The following CENPO variants were observed in gnomAD, a reference collection of about 807,000 sequenced individuals.
CENPO encodes centromere protein O.
Under a neutral mutation model 36.1 loss-of-function variants are expected in CENPO, and 30 were observed. That is an observed-to-expected ratio of 0.83 (90% confidence interval 0.62 to 1.13). The LOEUF is 1.13. Ranked by LOEUF, CENPO falls within the 50% of genes most tolerant of loss-of-function variation. The pLI, the probability that CENPO is intolerant of heterozygous loss-of-function variation, is 0.00. For synonymous variants in CENPO, 171 were observed against 142.3 expected (o/e 1.20, Z -1.44); for missense variants, 349 against 357.8 (o/e 0.98, Z 0.20).
chr2:24,812,474 A>G (rs952448204), intron 3 of CENPO, among the ~76,000 whole-genome samples: 2 of 151,992 alleles, frequency 1.3e-5, no homozygotes, highest in African/African-American at 4.8e-5. Flanking sequence ...ACATTGGCCA[A>G]TATCTCTTTA....
chr2:24,796,902 C>T (rs1308751856), intron 2 of CENPO, among the ~76,000 whole-genome samples: 1 of 152,008 alleles, frequency 6.6e-6, no homozygotes, highest in Non-Finnish European at 1.5e-5. Context: ...GTTTGAGAGC[C>T]TGAGAGGAGG....
Position 24,822,311 on chromosome 2 carries a change from G to A in CENPO, c.*2993G>A. The A allele has an allele frequency of 3.0e-6, 2 of 675,112 alleles. No individual in the cohort carries two copies. 41.8% of individuals were successfully genotyped at this position (675,112 alleles called of 1,614,324 possible). On this transcript the variant is annotated 3_prime_UTR_variant, in exon 8 of 8. Coordinates refer to ENST00000380834, the MANE Select transcript of CENPO (RefSeq NM_001322101.2). The stretch of plus-strand genomic sequence containing the variant: ...TAGGCCTGAGCTGTGAACAGCAGGG[G>A]GTTGTGTGTCTGTTCTGTTTCTCTG...
chr2:24,794,011 A>G, intron 2 of CENPO, 46 bp downstream of exon 2: 1 of 1,462,544 alleles, frequency 6.8e-7, no homozygotes. Flanking sequence ...CCCAAAGATG[A>G]CCCGCAGGCT....
chr2:24,816,844 T>G (rs1666957371), intron 6 of CENPO, 27 bp downstream of exon 6: 1 of 1,555,456 alleles, frequency 6.4e-7, no homozygotes, highest in African/African-American at 1.4e-5. Flanking sequence ...AGTGCAGAAA[T>G]TCTCATATCC....
At chr2:24,810,287 A>G (rs994878693) in intron 3 of CENPO, among the ~76,000 whole-genome samples, 1 of 151,738 alleles carries the variant, frequency 6.6e-6, no homozygotes, top group Admixed American at 6.6e-5. Flanking sequence ...CTTAAAATCT[A>G]TTTTGATATT....
chr2:24,799,605 T>G, intron 2 of CENPO, 70 bp from the exon 3 acceptor site: 186 of 1,285,322 alleles, frequency 1.4e-4, no homozygotes, highest in Non-Finnish European at 1.8e-4. Context: ...TGTTCTTCCC[T>G]GAGATGCTTC....
intron 3 of CENPO, among the ~76,000 whole-genome samples, chr2:24,810,638 G>A (rs1666634899): frequency 1.3e-5 from 2 of 151,290 alleles, no homozygotes; most frequent in African/African-American, 2.4e-5. Context: ...CTCCCAAGTA[G>A]CTGGGACTAG....
chr2:24,797,096 A>C (rs961989018), intron 2 of CENPO, among the ~76,000 whole-genome samples: 4 of 152,232 alleles, frequency 2.6e-5, no homozygotes, highest in African/African-American at 9.6e-5. Context: ...AACTTGTAAT[A>C]GGCCAGAAAT....
In CENPO at chr2:24,816,637, C is replaced by T; in HGVS notation, c.595-9C>T. The stretch of plus-strand genomic sequence containing the variant: ...TCCTCTACTTCGTTTTGTTCCTCAC[C>T]CCTCTTAGAGTGACTTTGCAGCCCT... On this transcript the variant is annotated splice_polypyrimidine_tract_variant and intron_variant, in intron 5 of 7. Coordinates refer to ENST00000380834, the MANE Select transcript of CENPO (RefSeq NM_001322101.2). The T allele has an allele frequency of 1.3e-6, 2 of 1,585,298 alleles. No homozygotes were observed. The highest frequency in any genetic ancestry group is 1.2e-5 in the South Asian group (1 of 85,852).
chr2:24,794,024 G>A lies in CENPO; in HGVS notation c.46+59G>A, dbSNP rs1665766210. ...TGCCCAAAGATGACCCGCAGGCTGA[G>A]AGAGCCCTTTCCTCCTGGAACTGAC... On this transcript the variant is annotated intron_variant, in intron 2 of 7. Coordinates refer to ENST00000380834, the MANE Select transcript of CENPO (RefSeq NM_001322101.2). 6.7e-6 allele frequency: 9 copies of A among 1,344,226 alleles called. No individual in the cohort carries two copies. In the Middle Eastern group the frequency reaches 5.4e-4, roughly 81 times the overall value. 83.3% of individuals were successfully genotyped at this position (1,344,226 alleles called of 1,614,324 possible).
At chr2:24,814,620 TCACA>T (rs10618594) in intron 4 of CENPO, 127 bp downstream of exon 4, 10,610 of 494,324 alleles carry the variant, frequency 0.021, 1 homozygote, top group South Asian at 0.027. Flanking sequence ...CCCTCATCAC[TCACA>T]CACACACACA....
chr2:24,821,048 C>CA lies in CENPO; in HGVS notation c.*1730_*1731insA. The stretch of plus-strand genomic sequence containing the variant: ...TGTGCTTGTTAGGTGTCAGCCGCCA[C>CA]CCCCCCCCCATATGCAGATTTACTC... On this transcript the variant is annotated 3_prime_UTR_variant, in exon 8 of 8. Transcript: ENST00000380834. 12 of 210,332 alleles carry CA rather than the reference C, an allele frequency of 5.7e-5. No homozygotes were observed. The highest frequency in any genetic ancestry group is 8.8e-5 in the Non-Finnish European group (11 of 125,424). The allele number at this position is 210,332 out of a possible 1,614,324, so 13.0% of individuals were successfully genotyped here. A position where few individuals can be genotyped will look rare whatever the true frequency, so the allele number is the denominator to read the frequency against.
intron 7 of CENPO, among the ~76,000 whole-genome samples, chr2:24,818,508 C>T (rs1166085083): frequency 3.3e-5 from 5 of 152,086 alleles, no homozygotes; most frequent in African/African-American, 1.2e-4. Context: ...GCAGTGTATT[C>T]TAGGCCACTG....
intron 3 of CENPO, among the ~76,000 whole-genome samples, chr2:24,808,628 C>G (rs886668099): frequency 2.6e-5 from 4 of 152,098 alleles, no homozygotes; most frequent in Non-Finnish European, 5.9e-5. Context: ...TGTTTTCTCC[C>G]TTATTTTATT....
At chr2:24,811,187 T>C (rs1040847523) in intron 3 of CENPO, among the ~76,000 whole-genome samples, 20 of 152,034 alleles carry the variant, frequency 1.3e-4, no homozygotes, top group African/African-American at 4.8e-4. Context: ...TCAAGTGATC[T>C]GCCGGTCCTG....
Position 24,814,393 on chromosome 2 carries a change from C to T in CENPO, c.234C>T (p.Ala78=). 2.5e-6 allele frequency: 4 copies of T among 1,581,564 alleles called. No homozygotes were observed. Among genetic ancestry groups the T allele is most frequent in the Non-Finnish European group, 3.5e-6 (4 of 1,150,354 alleles). The change falls in exon 4 of 8, where the codon GCC becomes GCT. Residue 78 remains alanine, a synonymous_variant. Transcript: ENST00000380834. ...HRRASVKACI[A]NVEPNQTVEI... is the part of the protein sequence containing the mutation. ...TCTTGCAGGTGAAAGCATGTATTGC[C>T]AATGTAGAACCCAACCAAACAGTGG...
rs1273754177 is a variant in CENPO at position 24,816,774 on chromosome 2, C to A, written c.723C>A (p.Asp241Glu). 3.1e-6 allele frequency: 5 copies of A among 1,608,868 alleles called. No individual in the cohort carries two copies. The highest frequency in any genetic ancestry group is 4.2e-6 in the Non-Finnish European group (5 of 1,177,892). The change falls in exon 6 of 8, where the codon GAC becomes GAA. Residue 241 changes from aspartate (D) to glutamate (E), a missense_variant. Coordinates refer to ENST00000380834, the MANE Select transcript of CENPO (RefSeq NM_001322101.2). ...TCTGTGCTAGATTGCTGTATAAGGA[C>A]CTCACAGCAACTCTTCCCACTGACG... Reference protein sequence around the residue: ...FPFCARLLYKDLTATLPTDVT... With the variant: ...FPFCARLLYKELTATLPTDVT...
intron 3 of CENPO, among the ~76,000 whole-genome samples, chr2:24,808,565 TATG>T (rs1666532931): frequency 3.3e-5 from 5 of 152,202 alleles, no homozygotes; most frequent in Admixed American, 3.3e-4. Context: ...ATCATGATAT[TATG>T]ATATTAAATT....
chr2:24,799,801 T>C lies in CENPO; in HGVS notation c.173T>C (p.Leu58Pro). 4 of 1,613,760 alleles carry C rather than the reference T, an allele frequency of 2.5e-6. No individual in the cohort carries two copies. Among genetic ancestry groups the C allele is most frequent in the East Asian group, 2.2e-5 (1 of 44,890 alleles). The change falls in exon 3 of 8, where the codon CTG becomes CCG. Residue 58 changes from leucine (L) to proline (P), a missense_variant. By Grantham distance (98) the Leu-to-Pro change is moderately conservative (BLOSUM62 -3). Transcript: ENST00000380834. ...LGTKIHKLRR[L>P]RDELRAVVRH... ...ACCAAGATTCATAAACTAAGGCGTC[T>C]GCGAGATGAGCTGAGGGCTGTGGTG...
Sources: gnomAD v4.1 joint callset for allele counts (sites outside exome capture counted in the v4.1 genomes callset) on GRCh38, gnomAD v4.1.1 for gene constraint, MANE v1.5 for transcripts, NCBI Gene and HGNC (gene_info 2026-07-23, HGNC 2026-07-21) for gene names.